Variants in PDE4D observed in about 807,000 individuals in gnomAD.
PDE4D encodes the protein 3',5'-cyclic-AMP phosphodiesterase 4D.
Under a neutral mutation model 87.4 loss-of-function variants are expected in PDE4D, and 24 were observed. The observed-to-expected ratio is 0.27, with a 90% CI of 0.20 to 0.39. The LOEUF (loss-of-function observed/expected upper bound fraction) is 0.39. Ranked by LOEUF, PDE4D falls within the 10% of genes least tolerant of loss-of-function variation. The pLI, the probability that PDE4D is intolerant of heterozygous loss-of-function variation, is 1.00. For synonymous variants in PDE4D, 384 were observed against 383.2 expected, an observed-to-expected ratio of 1.00 and a Z score of -0.02; for missense variants, 714 against 1,041.0, an observed-to-expected ratio of 0.69 and a Z score of 4.32.
chr5:59,749,949 A>G (rs1760179412), intron 1 of PDE4D, among the ~76,000 whole-genome samples: 1 of 152,122 alleles, frequency 6.6e-6, no homozygotes, highest in African/African-American at 2.4e-5. Flanking sequence ...AGCTTGACAA[A>G]TGACAACTAC....
intron 5 of PDE4D, chr5:59,125,365 A>G (rs1479356798): frequency 1.4e-6 from 1 of 725,588 alleles, no homozygotes; most frequent in Non-Finnish European, 1.7e-6. Context: ...CCTTTTCAAA[A>G]TGATCCTCTT....
intron 2 of PDE4D, among the ~76,000 whole-genome samples, chr5:60,107,794 G>A (rs1393722555): frequency 6.6e-6 from 1 of 152,114 alleles, no homozygotes; most frequent in Admixed American, 6.5e-5. Context: ...AAAGGCCTTT[G>A]ACAAAATTCA....
rs1825663716 is a variant in PDE4D at position 59,589,758 on chromosome 5, AATG to A, written c.455+303407_455+303409del. On this transcript the variant is annotated intron_variant, in intron 1 of 14. Coordinates refer to ENST00000340635, the MANE Select transcript of PDE4D (RefSeq NM_001104631.2). ...GTTAGCTACATTTCCATTTGCGGGC[AATG>A]ATATAAGCAAAGCACTTTATAAATA... Among the ~76,000 whole-genome samples, 3 of 152,182 alleles carry A rather than the reference AATG, an allele frequency of 2.0e-5. No homozygotes were observed. In the South Asian group the frequency reaches 6.2e-4, roughly 32 times the overall value.
At chr5:60,468,923 G>T (rs1027557392) in intron 1 of PDE4D, among the ~76,000 whole-genome samples, 1 of 151,838 alleles carries the variant, frequency 6.6e-6, no homozygotes. Context: ...TCTCTCCATC[G>T]TCCCCACCAT....
intron 5 of PDE4D, among the ~76,000 whole-genome samples, chr5:59,055,411 G>A (rs977570915): frequency 2.0e-5 from 3 of 151,952 alleles, no homozygotes; most frequent in South Asian, 2.1e-4. Flanking sequence ...TCATCTATTC[G>A]AAGTCCCTAT....
intron 6 of PDE4D, among the ~76,000 whole-genome samples, chr5:59,030,449 A>G (rs1046884584): frequency 1.3e-5 from 2 of 150,888 alleles, no homozygotes; most frequent in South Asian, 2.1e-4. Context: ...AAAAAAAACA[A>G]TGTTCCCCAG....
intron 3 of PDE4D, among the ~76,000 whole-genome samples, chr5:59,952,470 A>G (rs1009431832): frequency 1.3e-5 from 2 of 152,152 alleles, no homozygotes; most frequent in African/African-American, 4.8e-5. Flanking sequence ...CACTCCTCCC[A>G]TAGCATATTA....
chr5:60,422,132 C>T (rs1042641569), intron 1 of PDE4D, among the ~76,000 whole-genome samples: 1 of 152,268 alleles, frequency 6.6e-6, no homozygotes, highest in Admixed American at 6.5e-5. Flanking sequence ...AGGATATTAT[C>T]CACAAGAACT....
chr5:60,082,232 C>A (rs1774035930), intron 2 of PDE4D, among the ~76,000 whole-genome samples: 2 of 152,132 alleles, frequency 1.3e-5, no homozygotes, highest in South Asian at 2.1e-4. Context: ...GTAATGAAGG[C>A]AGAGTCCTAA....
At chr5:59,999,142 A>G (rs1763795200) in intron 2 of PDE4D, among the ~76,000 whole-genome samples, 1 of 152,200 alleles carries the variant, frequency 6.6e-6, no homozygotes, top group African/African-American at 2.4e-5. Flanking sequence ...AAGGCATTTC[A>G]CGTCAACCAT....
intron 3 of PDE4D, among the ~76,000 whole-genome samples, chr5:59,931,862 C>G (rs561410334): frequency 3.9e-5 from 6 of 152,036 alleles, no homozygotes; most frequent in Non-Finnish European, 8.8e-5. Context: ...CCACCATACC[C>G]GGCTAATTTT....
In PDE4D at chr5:59,893,403, G is replaced by A; in HGVS notation, c.220C>T (p.Gln74Ter). The A allele has an allele frequency of 7.1e-7, 1 of 1,400,798 alleles. No individual in the cohort carries two copies. The allele number at this position is 1,400,798 out of a possible 1,614,324, so 86.8% of individuals were successfully genotyped here. ...GGCAGGGGGGGCGGCGGCGGCGGCTGTAGCGGACACTGGGGCTGGGGCTGG... is the reference window on the plus strand; with the variant it reads ...GGCAGGGGGGGCGGCGGCGGCGGCTATAGCGGACACTGGGGCTGGGGCTGG... ...SPQPQPQCPL[Q>*]PPPPPPLPPP... The change falls in exon 1 of 15, where the codon CAG becomes TAG. Residue 74 changes from glutamine (Q) to a stop codon, truncating the protein, a stop_gained. Transcript: ENST00000340635. LOFTEE classifies it high-confidence loss of function.
intron 5 of PDE4D, among the ~76,000 whole-genome samples, chr5:59,138,897 G>C (rs981669007): frequency 1.3e-5 from 2 of 152,324 alleles, no homozygotes; most frequent in South Asian, 2.1e-4. Context: ...GATGAAAGAG[G>C]TGTGTGAAAG....
At chr5:59,980,273 G>A (rs1761785411) in intron 3 of PDE4D, among the ~76,000 whole-genome samples, 1 of 152,180 alleles carries the variant, frequency 6.6e-6, no homozygotes, top group Non-Finnish European at 1.5e-5. Context: ...ACTATCTATG[G>A]AGTGGAACAA....
At chr5:60,310,799 C>A (rs887137559) in intron 1 of PDE4D, among the ~76,000 whole-genome samples, 1 of 152,194 alleles carries the variant, frequency 6.6e-6, no homozygotes, top group Admixed American at 6.5e-5. Flanking sequence ...ACTCTCTGAG[C>A]CTTTGCTCAC....
intron 1 of PDE4D, chr5:60,460,872 T>C (rs905586079): frequency 8.3e-6 from 3 of 362,308 alleles, no homozygotes; most frequent in Admixed American, 4.4e-5. Context: ...CCCTTTACAC[T>C]ATTAATTCCA....
chr5:59,799,260 C>G (rs1766847060), intron 1 of PDE4D, among the ~76,000 whole-genome samples: 2 of 152,094 alleles, frequency 1.3e-5, no homozygotes, highest in Non-Finnish European at 2.9e-5. Context: ...TCTTGGAGAT[C>G]TTGGAGTTAA....
intron 2 of PDE4D, among the ~76,000 whole-genome samples, chr5:60,159,689 T>C (rs749566738): frequency 6.6e-6 from 1 of 152,214 alleles, no homozygotes; most frequent in Non-Finnish European, 1.5e-5. Context: ...ATGACTGTAC[T>C]AAATAAATAT....
intron 1 of PDE4D, among the ~76,000 whole-genome samples, chr5:59,825,999 C>A (rs866794042): frequency 6.6e-6 from 1 of 152,176 alleles, no homozygotes; most frequent in Non-Finnish European, 1.5e-5. Flanking sequence ...ACCTTTACCC[C>A]ACTGGAAGGC....
Sources: gnomAD v4.1 joint callset for allele counts (sites outside exome capture counted in the v4.1 genomes callset) on GRCh38, gnomAD v4.1.1 for gene constraint, MANE v1.5 for transcripts, NCBI Gene and HGNC (gene_info 2026-07-23, HGNC 2026-07-21) for gene names.